PCDHGB2: variants seen among roughly 807,000 people sequenced by gnomAD.
The protein encoded by PCDHGB2 is protocadherin gamma subfamily B, 2.
In PCDHGB2, 55 loss-of-function variants were observed where a neutral mutation model predicts 59.3. The observed-to-expected ratio is 0.93, with a 90% CI of 0.75 to 1.16. PCDHGB2 has a LOEUF of 1.16. PCDHGB2 is among the 50% of genes most tolerant of loss of function. The probability of loss-of-function intolerance (pLI) is 0.00; values close to 1 mark genes in which losing one functional copy is unlikely to be tolerated. For missense variants in PCDHGB2, 1,228 were observed against 1,198.5 expected (o/e 1.02, Z -0.36); for synonymous variants, 516 against 512.0 (o/e 1.01, Z -0.11).
At chr5:141,435,954 G>A (rs1163590812) in intron 1 of PCDHGB2, among the ~76,000 whole-genome samples, 2 of 152,092 alleles carry the variant, frequency 1.3e-5, no homozygotes, top group African/African-American at 2.4e-5. Flanking sequence ...AAAAAAGGGG[G>A]CAAAATATAG....
At chr5:141,460,488 T>C (rs1226287742) in intron 1 of PCDHGB2, among the ~76,000 whole-genome samples, 1 of 152,186 alleles carries the variant, frequency 6.6e-6, no homozygotes, top group Admixed American at 6.6e-5. Flanking sequence ...ATTGTCTCTT[T>C]GGAAAAATAT....
At chr5:141,441,638 G>A (rs1456506194) in intron 1 of PCDHGB2, 2 of 226,008 alleles carry the variant, frequency 8.8e-6, no homozygotes, top group Non-Finnish European at 1.8e-5. Flanking sequence ...AGCCACAGGC[G>A]CTGTGATTCT....
chr5:141,473,879 C>G (rs937312573), intron 1 of PCDHGB2, among the ~76,000 whole-genome samples: 2 of 152,120 alleles, frequency 1.3e-5, no homozygotes, highest in Admixed American at 1.3e-4. Context: ...AATGCATACA[C>G]AAGGGTTCTG....
At chr5:141,410,849 C>CTTGTTTTTTTTTTTTTTT (rs2095431880) in intron 1 of PCDHGB2, 1 of 129,786 alleles carries the variant, frequency 7.7e-6, no homozygotes, top group African/African-American at 6.0e-5. Context: ...TTGTCTTTGT[C>CTTGTTTTTTTTTTTTTTT]TTTTTTTTTT....
Position 141,362,530 on chromosome 5 carries a change from C to G in PCDHGB2, c.2395C>G (p.Pro799Ala), listed in dbSNP as rs769795967. 1 of 1,613,818 alleles carries G rather than the reference C, an allele frequency of 6.2e-7. No individual in the cohort carries two copies. Among genetic ancestry groups the G allele is most frequent in the Non-Finnish European group, 8.5e-7 (1 of 1,179,886 alleles). Residue 799 changes from proline to alanine, a missense_variant, in exon 1 of 4, where the codon CCT becomes GCT. Pro to Ala is a conservative substitution (Grantham distance 27, BLOSUM62 -1). Coordinates refer to ENST00000522605, the MANE Select transcript of PCDHGB2 (RefSeq NM_018923.3). Reference sequence around the variant, plus strand: ...TACAAATCATGGAGCCGCTGGGGTCCCTTTTGCCTCAGATACTATTTTGAA... The same window carrying G: ...TACAAATCATGGAGCCGCTGGGGTCGCTTTTGCCTCAGATACTATTTTGAA... ...QNTNHGAAGV[P>A]FASDTILKQA...
chr5:141,420,357 CT>C, intron 1 of PCDHGB2: 1 of 1,376,278 alleles, frequency 7.3e-7, no homozygotes, highest in Non-Finnish European at 9.6e-7. Context: ...TTTTAAGATT[CT>C]AGATAACTTC....
chr5:141,398,183 T>C, intron 1 of PCDHGB2: 1 of 1,477,856 alleles, frequency 6.8e-7, no homozygotes, highest in South Asian at 1.4e-5. Flanking sequence ...GTGCTCTTTC[T>C]CTTCCTGCTG....
At chr5:141,460,368 G>A (rs1005554535) in intron 1 of PCDHGB2, among the ~76,000 whole-genome samples, 1 of 152,050 alleles carries the variant, frequency 6.6e-6, no homozygotes. Context: ...AAGTTTTATA[G>A]TTTTACCATT....
In PCDHGB2 at chr5:141,360,214, G is replaced by C. The variant is rs1164103342; in HGVS notation, c.79G>C (p.Gly27Arg). The C allele has an allele frequency of 2.5e-6, 4 of 1,613,376 alleles. No individual in the cohort carries two copies. Among genetic ancestry groups the C allele is most frequent in the Non-Finnish European group, 3.4e-6 (4 of 1,179,598 alleles). The change falls in exon 1 of 4, where the codon GGG becomes CGG. Residue 27 changes from glycine (G) to arginine (R), a missense_variant. This residue lies in a region of PCDHGB2 where 781 missense variants were observed against 721.6 expected (regional missense o/e 1.08). Transcript: ENST00000522605. ...LLPFLLSLFP[G>R]ALPVQIRYSI... ...GCCCTTCCTGTTGTCTTTGTTCCCCGGGGCTCTCCCAGTCCAGATCCGCTA... is the reference window on the plus strand; with the variant it reads ...GCCCTTCCTGTTGTCTTTGTTCCCCCGGGCTCTCCCAGTCCAGATCCGCTA...
Position 141,360,312 on chromosome 5 carries a change from GGACTTGCCAGCCCGGAAGC to G in PCDHGB2, c.178_196del (p.Asp60CysfsTer12). On this transcript the variant is annotated frameshift_variant, in exon 1 of 4. Coordinates refer to ENST00000522605, the MANE Select transcript of PCDHGB2 (RefSeq NM_018923.3). LOFTEE classifies it high-confidence loss of function. The stretch of plus-strand genomic sequence containing the variant: ...CCAAGGATCTGGGGCTCAGCGTCCG[GGACTTGCCAGCCCGGAAGC>G]TGCGGGTTAGCGCGGAGAAGGAATA... 6.2e-7 allele frequency: 1 copy of G among 1,613,976 alleles called. No individual in the cohort carries two copies. The highest frequency in any genetic ancestry group is 8.5e-7 in the Non-Finnish European group (1 of 1,179,896).
At chr5:141,503,981 C>T (rs774655880) in intron 2 of PCDHGB2, among the ~76,000 whole-genome samples, 4 of 152,300 alleles carry the variant, frequency 2.6e-5, no homozygotes, top group East Asian at 1.9e-4. Flanking sequence ...CCAAACCCTT[C>T]TTCTTACCTT....
At chr5:141,443,109 C>A (rs373919534) in intron 1 of PCDHGB2, among the ~76,000 whole-genome samples, 2 of 152,100 alleles carry the variant, frequency 1.3e-5, no homozygotes, top group South Asian at 2.1e-4. Flanking sequence ...CTGAACCTTG[C>A]TTTTCAAACC....
intron 1 of PCDHGB2, chr5:141,371,097 G>A (rs376198094): frequency 5.0e-6 from 8 of 1,613,710 alleles, no homozygotes; most frequent in Non-Finnish European, 6.8e-6. Flanking sequence ...TGTCGCAGAT[G>A]CAAATGATAA....
At chr5:141,495,292 C>T (rs74321313) in intron 2 of PCDHGB2, among the ~76,000 whole-genome samples, 8,567 of 152,256 alleles carry the variant, frequency 0.056, 526 homozygotes, top group African/African-American at 0.16. Context: ...CCGCACTCAG[C>T]GCCTCCTCCA....
In PCDHGB2 at chr5:141,362,450, C is replaced by A. The variant is rs766571642; in HGVS notation, c.2315C>A (p.Pro772Gln). Residue 772 changes from proline to glutamine, a missense_variant, in exon 1 of 4, where the codon CCG becomes CAG. Physicochemically the swap from Pro to Gln is moderately conservative, Grantham distance 76. Coordinates refer to ENST00000522605, the MANE Select transcript of PCDHGB2 (RefSeq NM_018923.3). The stretch of plus-strand genomic sequence containing the variant: ...GAGTTCAATTTTCTGAACATAACCC[C>A]GGAATTGGTTCCCGCGCAAGATCTC... ...KTEFNFLNIT[P>Q]ELVPAQDLVC... 6.2e-7 allele frequency: 1 copy of A among 1,614,050 alleles called. No homozygotes were observed. Among genetic ancestry groups the A allele is most frequent in the Non-Finnish European group, 8.5e-7 (1 of 1,179,898 alleles).
At chr5:141,404,102 T>C (rs1288980459) in intron 1 of PCDHGB2, 16 of 1,613,462 alleles carry the variant, frequency 9.9e-6, no homozygotes, top group Non-Finnish European at 8.5e-7. Context: ...TCAAGTTGTC[T>C]GTTCTATCCA....
chr5:141,383,972 A>C, intron 1 of PCDHGB2: 1 of 1,613,800 alleles, frequency 6.2e-7, no homozygotes, highest in Non-Finnish European at 8.5e-7. Context: ...TCAATCCCTG[A>C]AGACACACCT....
chr5:141,501,706 T>TA (rs2099810629), intron 2 of PCDHGB2, among the ~76,000 whole-genome samples: 1 of 152,094 alleles, frequency 6.6e-6, no homozygotes, highest in South Asian at 2.1e-4. Flanking sequence ...ATTCCGAGGA[T>TA]AAAAAAGACA....
rs2097400915 is a variant in PCDHGB2, at chr5:141,431,619, A to G, written c.2422-63188A>G. The stretch of plus-strand genomic sequence containing the variant: ...TATTCCTTCCGGTATGTGGACGACA[A>G]GGCGGCCCAAGTTTTCAAACTAGAT... On this transcript the variant is annotated intron_variant, in intron 1 of 3. Coordinates refer to ENST00000522605, the MANE Select transcript of PCDHGB2 (RefSeq NM_018923.3). The surrounding 1 kb of genome is among the most constrained non-coding windows in gnomAD (Gnocchi z 4.8). 3.1e-6 allele frequency: 5 copies of G among 1,614,230 alleles called. No homozygotes were observed. The highest frequency in any genetic ancestry group is 4.5e-5 in the East Asian group (2 of 44,880).
Sources: gnomAD v4.1 joint callset for allele counts (sites outside exome capture counted in the v4.1 genomes callset) on GRCh38, gnomAD v4.1.1 for gene constraint, gnomAD v4.1.1 regional missense constraint, Gnocchi (gnomAD v3.1) non-coding constraint, MANE v1.5 for transcripts, NCBI Gene and HGNC (gene_info 2026-07-23, HGNC 2026-07-21) for gene names.